CLVS1: variants seen among roughly 807,000 people sequenced by gnomAD.
CLVS1 encodes the protein clavesin-1.
CLVS1 carries 10 observed loss-of-function variants against 33.1 expected under a neutral mutation model. That is an observed-to-expected ratio of 0.30 (90% CI 0.19 to 0.51). The LOEUF is 0.51. CLVS1 is among the 20% of genes least tolerant of loss of function. The pLI, the probability that CLVS1 is intolerant of heterozygous loss-of-function variation, is 0.97. For synonymous variants in CLVS1, 163 were observed against 166.1 expected (o/e 0.98, Z 0.14); for missense variants, 343 against 433.4 (o/e 0.79, Z 1.85).
intron 2 of CLVS1, among the ~76,000 whole-genome samples, chr8:61,216,983 C>T (rs906593649): frequency 3.3e-5 from 5 of 152,164 alleles, no homozygotes; most frequent in African/African-American, 1.2e-4. Flanking sequence ...TTCTCCATTA[C>T]ACGTGAAAAG....
At chr8:61,308,778 GCCGTAGTC>G (rs917857894) in intron 2 of CLVS1, among the ~76,000 whole-genome samples, 1 of 152,144 alleles carries the variant, frequency 6.6e-6, no homozygotes, top group African/African-American at 2.4e-5. Flanking sequence ...TCTAAGGCCT[GCCGTAGTC>G]CCACAAGGAT....
intron 2 of CLVS1, among the ~76,000 whole-genome samples, chr8:61,200,027 A>C (rs1807695889): frequency 6.6e-6 from 1 of 152,200 alleles, no homozygotes. Context: ...AAGGAGGAAA[A>C]ATATAAACAC....
At chr8:61,175,519 C>T (rs540736511) in intron 2 of CLVS1, among the ~76,000 whole-genome samples, 2 of 152,202 alleles carry the variant, frequency 1.3e-5, no homozygotes, top group South Asian at 4.2e-4. Context: ...TAAATGTGAC[C>T]TTATTTGGAA....
chr8:61,177,655 G>A (rs1054619331), intron 2 of CLVS1, among the ~76,000 whole-genome samples: 16 of 152,056 alleles, frequency 1.1e-4, no homozygotes, highest in African/African-American at 3.9e-4. Context: ...CTGTTCCCCA[G>A]CCTCCTCAAG....
At chr8:61,290,111 G>T (rs1809932567) in intron 1 of CLVS1, among the ~76,000 whole-genome samples, 1 of 152,142 alleles carries the variant, frequency 6.6e-6, no homozygotes, top group Non-Finnish European at 1.5e-5. Flanking sequence ...TGTACATATT[G>T]CCAATTCTAG....
intron 2 of CLVS1, among the ~76,000 whole-genome samples, chr8:61,204,668 G>T (rs985988824): frequency 6.6e-5 from 10 of 152,158 alleles, no homozygotes; most frequent in Non-Finnish European, 1.2e-4. Flanking sequence ...GCTACAAATT[G>T]CTTTGTATAG....
the CLVS1 span, among the ~76,000 whole-genome samples, chr8:61,046,307 G>A: frequency 2.7e-5 from 4 of 146,790 alleles, no homozygotes; most frequent in East Asian, 3.9e-4. Context: ...GTAGATATGC[G>A]GCATTATTTC....
At chr8:61,413,369 A>G (rs533486678) in intron 3 of CLVS1, among the ~76,000 whole-genome samples, 1 of 152,348 alleles carries the variant, frequency 6.6e-6, no homozygotes, top group East Asian at 1.9e-4. Context: ...GAAAGGTACC[A>G]GATTCAAGAG....
At chr8:61,459,777 C>G (rs896214512) in intron 5 of CLVS1, among the ~76,000 whole-genome samples, 10 of 152,108 alleles carry the variant, frequency 6.6e-5, no homozygotes, top group African/African-American at 2.4e-4. Flanking sequence ...ATTTCTAGGG[C>G]TGCTGTAATA....
At chr8:61,135,758 C>T (rs1332943675) in intron 2 of CLVS1, among the ~76,000 whole-genome samples, 1 of 152,174 alleles carries the variant, frequency 6.6e-6, no homozygotes, top group African/African-American at 2.4e-5. Context: ...GCATCTTTTG[C>T]CGTGCAGAAT....
chr8:61,168,050 A>G (rs1417038420), intron 2 of CLVS1, among the ~76,000 whole-genome samples: 3 of 152,128 alleles, frequency 2.0e-5, no homozygotes, highest in African/African-American at 7.2e-5. Context: ...ACCTTACTCT[A>G]TGGACTCACC....
At chr8:61,223,512 C>G (rs1238891815) in intron 2 of CLVS1, among the ~76,000 whole-genome samples, 3 of 152,234 alleles carry the variant, frequency 2.0e-5, no homozygotes, top group African/African-American at 7.2e-5. Flanking sequence ...GGCCCTCACT[C>G]TCTTCTGGCT....
intron 1 of CLVS1, among the ~76,000 whole-genome samples, chr8:61,088,938 A>G (rs960787558): frequency 9.9e-5 from 15 of 151,902 alleles, no homozygotes; most frequent in African/African-American, 3.4e-4. Flanking sequence ...AGTAGCTGGG[A>G]CTACAGGCGC....
intron 2 of CLVS1, among the ~76,000 whole-genome samples, chr8:61,228,764 T>C (rs1808377948): frequency 6.6e-6 from 1 of 152,226 alleles, no homozygotes; most frequent in African/African-American, 2.4e-5. Context: ...ACTGTGTACA[T>C]GTACCACATT....
chr8:61,311,053 T>C (rs897252734), intron 2 of CLVS1, among the ~76,000 whole-genome samples: 2 of 152,186 alleles, frequency 1.3e-5, no homozygotes, highest in African/African-American at 4.8e-5. Flanking sequence ...GTCATTTCCT[T>C]TCTTCCATAA....
At position 61,441,619 on chromosome 8, in the gene CLVS1, G is replaced by T. The variant is rs376275342; in HGVS notation, c.631-12522G>T. Among the ~76,000 whole-genome samples, 4 of 152,114 alleles carry T rather than the reference G, an allele frequency of 2.6e-5. No homozygotes were observed. The South Asian group carries it at 8.3e-4, about 32-fold the overall frequency. ...GCAAGCATTACAAATCTTAGAAAAT[G>T]GCACTAGTTAATCCTTCATTATCCA... On this transcript the variant is annotated intron_variant, in intron 3 of 5. Transcript: ENST00000325897.
intron 2 of CLVS1, among the ~76,000 whole-genome samples, chr8:61,144,559 T>C (rs2129293716): frequency 6.6e-6 from 1 of 152,270 alleles, no homozygotes; most frequent in Middle Eastern, 3.4e-3. Flanking sequence ...TATAATCCTT[T>C]GGGTATATAC....
intron 2 of CLVS1, among the ~76,000 whole-genome samples, chr8:61,255,672 C>T (rs1194646272): frequency 6.6e-6 from 1 of 152,128 alleles, no homozygotes; most frequent in Non-Finnish European, 1.5e-5. Context: ...TCTTTTCAAG[C>T]AACACAATAG....
the CLVS1 span, among the ~76,000 whole-genome samples, chr8:60,994,966 A>C: frequency 6.6e-6 from 1 of 151,970 alleles, no homozygotes; most frequent in Non-Finnish European, 1.5e-5. Context: ...CCATATGTAG[A>C]AAGCTGAAAC....
Sources: allele counts gnomAD v4.1 joint callset (sites outside exome capture counted in the v4.1 genomes callset), GRCh38; gene constraint gnomAD v4.1.1; transcripts MANE v1.5; gene names NCBI Gene and HGNC (gene_info 2026-07-23, HGNC 2026-07-21).